SLC28A3: variants seen among roughly 807,000 people sequenced by gnomAD.
The protein encoded by SLC28A3 is concentrative Na(+)-nucleoside cotransporter 3.
Under a neutral mutation model 84.2 loss-of-function variants are expected in SLC28A3, and 68 were observed. The ratio of observed to expected loss-of-function variants is 0.81; its 90% confidence interval spans 0.66 to 0.99. The LOEUF is 0.99. SLC28A3 is among the 50% of genes least tolerant of loss of function. SLC28A3 has a pLI of 0.00. For missense variants in SLC28A3, 712 were observed against 841.5 expected, an observed-to-expected ratio of 0.85 and a Z score of 1.90; for synonymous variants, 267 against 303.6, an observed-to-expected ratio of 0.88 and a Z score of 1.25.
At chr9:84,299,530 C>G in intron 6 of SLC28A3, 51 bp downstream of exon 6, 1 of 1,605,400 alleles carries the variant, frequency 6.2e-7, no homozygotes, top group Non-Finnish European at 8.5e-7. Flanking sequence ...GAGCAATTTA[C>G]ACATGGGGAG....
At chr9:84,367,117 C>T in the SLC28A3 span, among the ~76,000 whole-genome samples, 1 of 152,198 alleles carries the variant, frequency 6.6e-6, no homozygotes, top group African/African-American at 2.4e-5. Flanking sequence ...ACTCTTCCCT[C>T]CCTTTTCCAA....
chr9:84,308,677 C>A (rs1308264443), intron 3 of SLC28A3, among the ~76,000 whole-genome samples: 1 of 152,056 alleles, frequency 6.6e-6, no homozygotes, highest in Non-Finnish European at 1.5e-5. Flanking sequence ...GAATGCAAAT[C>A]AAATTTAAGT....
chr9:84,292,447 GTCTC>G (rs1825262436), intron 10 of SLC28A3, among the ~76,000 whole-genome samples: 1 of 133,552 alleles, frequency 7.5e-6, no homozygotes. Context: ...TTCTCTCTGT[GTCTC>G]TCTGTCTCTC....
the SLC28A3 span, among the ~76,000 whole-genome samples, chr9:84,361,601 A>G: frequency 6.6e-6 from 1 of 152,006 alleles, no homozygotes. Context: ...CTCTCCCGCG[A>G]GAGTGTTTTG....
the SLC28A3 span, among the ~76,000 whole-genome samples, chr9:84,361,335 C>T: frequency 3.3e-4 from 50 of 152,222 alleles, no homozygotes; most frequent in Non-Finnish European, 5.7e-4. Context: ...CAGAGCGAGA[C>T]TCCGTCTCAA....
chr9:84,283,216 G>A (rs186235116), intron 14 of SLC28A3, among the ~76,000 whole-genome samples: 1 of 152,360 alleles, frequency 6.6e-6, no homozygotes, highest in East Asian at 1.9e-4. Context: ...GGTTGACTTT[G>A]CCCACAAATG....
the SLC28A3 span, among the ~76,000 whole-genome samples, chr9:84,355,655 C>T: frequency 6.6e-6 from 1 of 151,980 alleles, no homozygotes; most frequent in Non-Finnish European, 1.5e-5. Flanking sequence ...AGATTGGGAA[C>T]TTGAGCAGTT....
At chr9:84,290,334 G>A in intron 10 of SLC28A3, 55 bp from the exon 11 acceptor site, 4 of 1,594,634 alleles carry the variant, frequency 2.5e-6, no homozygotes, top group Non-Finnish European at 3.4e-6. Context: ...GGGGGCAGGG[G>A]AAGGCATGCC....
chr9:84,292,264 C>T (rs1440421134), intron 10 of SLC28A3, among the ~76,000 whole-genome samples: 23 of 152,126 alleles, frequency 1.5e-4, no homozygotes. Flanking sequence ...GGAAGAGCTA[C>T]CAGCCTCTGA....
At chr9:84,314,874 T>C (rs895847274) in intron 1 of SLC28A3, among the ~76,000 whole-genome samples, 16 of 152,120 alleles carry the variant, frequency 1.1e-4, no homozygotes, top group Admixed American at 3.3e-4. Context: ...GTCAGGAGAT[T>C]GAGACCATCC....
chr9:84,314,643 T>C (rs546048847), intron 1 of SLC28A3, among the ~76,000 whole-genome samples: 1 of 152,374 alleles, frequency 6.6e-6, no homozygotes, highest in Admixed American at 6.5e-5. Flanking sequence ...TATTGTGCCA[T>C]ACTTCCTTTT....
At chr9:84,301,369 A>AAAAAAAAG (rs753889714) in intron 5 of SLC28A3, among the ~76,000 whole-genome samples, 76 of 132,384 alleles carry the variant, frequency 5.7e-4, no homozygotes, top group East Asian at 3.3e-3. Flanking sequence ...AAAAAAAAAA[A>AAAAAAAAG]AAAAAGAAAA....
chr9:84,287,611 C>T (rs1825044605), intron 12 of SLC28A3, among the ~76,000 whole-genome samples: 2 of 152,064 alleles, frequency 1.3e-5, no homozygotes, highest in Admixed American at 1.3e-4. Flanking sequence ...GGCCAGGTCC[C>T]AGCACTTTGG....
At chr9:84,300,746 G>A (rs1478858370) in intron 5 of SLC28A3, among the ~76,000 whole-genome samples, 2 of 152,152 alleles carry the variant, frequency 1.3e-5, no homozygotes, top group Non-Finnish European at 2.9e-5. Flanking sequence ...AGGACACAGG[G>A]TCCTATGGGA....
At chr9:84,365,486 G>A in the SLC28A3 span, among the ~76,000 whole-genome samples, 1 of 152,142 alleles carries the variant, frequency 6.6e-6, no homozygotes, top group South Asian at 2.1e-4. Context: ...TTGCTGTGCA[G>A]AAGTTTTTTT....
At chr9:84,327,651 G>T (rs1287282881) in intron 1 of SLC28A3, among the ~76,000 whole-genome samples, 1 of 152,086 alleles carries the variant, frequency 6.6e-6, no homozygotes, top group African/African-American at 2.4e-5. Flanking sequence ...TCTTGGATGG[G>T]TGCGGTGGCT....
Position 84,279,320 on chromosome 9 carries a change from T to G in SLC28A3, c.1894A>C (p.Thr632Pro), listed in dbSNP as rs138805274. 6.2e-7 allele frequency: 1 copy of G among 1,613,254 alleles called. No individual in the cohort carries two copies. ...ACCTTGGTTGTGTTTCCAGGGAAAG[T>G]GGAGTTGAAGGCATTCTCTAAAACG... ...HHVLENAFNS[T>P]FPGNTTKVIA... The change falls in exon 17 of 18, where the codon ACT (threonine) becomes CCT (proline). Residue 632 changes from threonine to proline, a missense_variant. Physicochemically the swap from Thr to Pro is conservative, Grantham distance 38. Coordinates refer to ENST00000376238, the MANE Select transcript of SLC28A3 (RefSeq NM_001199633.2).
chr9:84,334,636 T>C (rs554075609), intron 1 of SLC28A3, among the ~76,000 whole-genome samples: 1 of 151,928 alleles, frequency 6.6e-6, no homozygotes, highest in Non-Finnish European at 1.5e-5. Flanking sequence ...GAATTTTTTT[T>C]TTTTTAACAT....
At chr9:84,335,202 AACTC>A (rs1826929071) in intron 1 of SLC28A3, among the ~76,000 whole-genome samples, 1 of 152,080 alleles carries the variant, frequency 6.6e-6, no homozygotes, top group African/African-American at 2.4e-5. Context: ...CCTCAAAGAG[AACTC>A]ACTCTCTTTT....
Sources: gnomAD v4.1 joint callset for allele counts (sites outside exome capture counted in the v4.1 genomes callset) on GRCh38, gnomAD v4.1.1 for gene constraint, MANE v1.5 for transcripts, NCBI Gene and HGNC (gene_info 2026-07-23, HGNC 2026-07-21) for gene names.